Variants in PRDM1 observed in about 807,000 individuals in gnomAD.
The protein encoded by PRDM1 is PR/SET domain 1, also known as PR domain zinc finger protein 1.
PRDM1 carries 13 observed loss-of-function variants against 62.8 expected under a neutral mutation model. The ratio of observed to expected loss-of-function variants is 0.21; its 90% CI spans 0.13 to 0.33. PRDM1 has a LOEUF of 0.33. Among genes scored for constraint, PRDM1 ranks in the 10% least tolerant of loss-of-function variants. The probability of loss-of-function intolerance (pLI) is 1.00; values close to 1 mark genes in which losing one functional copy is unlikely to be tolerated. For missense variants in PRDM1, 895 were observed against 1,058.8 expected, an observed-to-expected ratio of 0.85 and a Z score of 2.15; for synonymous variants, 396 against 417.6, an observed-to-expected ratio of 0.95 and a Z score of 0.63.
chr6:106,013,418 C>T (rs747773584), intron 1 of PRDM1, among the ~76,000 whole-genome samples: 2 of 151,128 alleles, frequency 1.3e-5, no homozygotes, highest in Non-Finnish European at 2.9e-5. Context: ...ACCTCCACCT[C>T]CCGGGTTCAA....
At chr6:106,096,848 A>G (rs1444058775) in intron 3 of PRDM1, among the ~76,000 whole-genome samples, 2 of 152,226 alleles carry the variant, frequency 1.3e-5, no homozygotes, top group South Asian at 2.1e-4. Flanking sequence ...TAAAGAATTT[A>G]GTAAGCGTTT....
At position 106,090,504 on chromosome 6, in the gene PRDM1, A is replaced by G. The variant is rs139302009; in HGVS notation, c.291+2055A>G. 9.2e-5 allele frequency among the ~76,000 whole-genome samples: 14 copies of G among 152,304 alleles called. No homozygotes were observed. The East Asian group carries it at 2.7e-3, about 29-fold the overall frequency. On this transcript the variant is annotated intron_variant, in intron 2 of 6. Transcript: ENST00000369096. ...GTCTTAAGCTTACTCTGGAATTTGT[A>G]CCTGTTTTTCTGTTTCTCTCCTTTG...
intron 2 of PRDM1, among the ~76,000 whole-genome samples, chr6:106,094,095 G>A (rs1473679798): frequency 6.6e-6 from 1 of 152,168 alleles, no homozygotes; most frequent in Non-Finnish European, 1.5e-5. Context: ...AGGAACTGGT[G>A]TATATTGTAA....
At chr6:106,013,713 G>A (rs1772584730) in intron 1 of PRDM1, among the ~76,000 whole-genome samples, 1 of 152,130 alleles carries the variant, frequency 6.6e-6, no homozygotes, top group Non-Finnish European at 1.5e-5. Context: ...AGTTCCTGAG[G>A]TCCCATAAGT....
intron 1 of PRDM1, among the ~76,000 whole-genome samples, chr6:106,055,366 T>G (rs1182987075): frequency 6.6e-6 from 1 of 152,212 alleles, no homozygotes; most frequent in Non-Finnish European, 1.5e-5. Flanking sequence ...CATTATTATA[T>G]ACATGAGAGA....
intron 4 of PRDM1, among the ~76,000 whole-genome samples, chr6:106,103,687 G>C (rs1269519954): frequency 6.6e-6 from 1 of 152,178 alleles, no homozygotes; most frequent in Non-Finnish European, 1.5e-5. Context: ...GCTGTGGCAG[G>C]GATAGTCTAG....
chr6:106,080,419 C>T (rs1420676317), intron 1 of PRDM1, among the ~76,000 whole-genome samples: 1 of 152,136 alleles, frequency 6.6e-6, no homozygotes, highest in East Asian at 1.9e-4. Flanking sequence ...CCCACCGCAG[C>T]CCCCAGCATC....
chr6:106,014,652 ATAT>A (rs937123082), intron 1 of PRDM1, among the ~76,000 whole-genome samples: 6 of 150,294 alleles, frequency 4.0e-5, no homozygotes, highest in African/African-American at 1.5e-4. Flanking sequence ...TTAATCTATA[ATAT>A]TAAATTAAAT....
chr6:106,086,504 G>T lies in PRDM1; in HGVS notation c.-50G>T. The stretch of plus-strand genomic sequence containing the variant: ...CGTCTGTGCGGCTCAGCCTGGCGGG[G>T]GACGCGGGGAGAATGTGGACTGGGT... On this transcript the variant is annotated 5_prime_UTR_variant, in exon 1 of 7. Coordinates refer to ENST00000369096, the MANE Select transcript of PRDM1 (RefSeq NM_001198.4). The T allele has an allele frequency of 1.3e-6, 2 of 1,527,716 alleles. No homozygotes were observed. The highest frequency in any genetic ancestry group is 1.8e-6 in the Non-Finnish European group (2 of 1,127,688). The allele number at this position is 1,527,716 out of a possible 1,614,324, so 94.6% of individuals were successfully genotyped here. A position where few individuals can be genotyped will look rare whatever the true frequency, so the allele number is the denominator to read the frequency against.
Position 106,107,359 on chromosome 6 carries a change from T to G in PRDM1, c.2351T>G (p.Leu784Arg). ...VSLQRNMGNG[L>R]LSSGCSLYES... ...TTGCAAAGAAACATGGGGAATGGACTCCTCTCCTCAGGGTGCAGCCTTTAT... is the reference window on the plus strand; with the variant it reads ...TTGCAAAGAAACATGGGGAATGGACGCCTCTCCTCAGGGTGCAGCCTTTAT... Residue 784 changes from leucine (L) to arginine (R), a missense_variant, in exon 7 of 7, where the codon CTC (leucine) becomes CGC (arginine). By Grantham distance (102) the Leu-to-Arg change is moderately radical. Transcript: ENST00000369096. The G allele has an allele frequency of 6.2e-7, 1 of 1,614,056 alleles. No homozygotes were observed. Among genetic ancestry groups the G allele is most frequent in the Non-Finnish European group, 8.5e-7 (1 of 1,180,004 alleles).
At chr6:106,007,380 A>T (rs544782071) in intron 1 of PRDM1, among the ~76,000 whole-genome samples, 6 of 151,922 alleles carry the variant, frequency 3.9e-5, no homozygotes, top group Non-Finnish European at 7.4e-5. Flanking sequence ...CAGTGAGCCG[A>T]GATGGCGCCA....
chr6:106,074,462 G>A (rs1773569514), intron 1 of PRDM1, among the ~76,000 whole-genome samples: 1 of 151,884 alleles, frequency 6.6e-6, no homozygotes, highest in Non-Finnish European at 1.5e-5. Flanking sequence ...GCTCCCCAAG[G>A]GTTGTTTGTA....
chr6:106,016,874 G>A (rs145319334), intron 1 of PRDM1, among the ~76,000 whole-genome samples: 5 of 152,108 alleles, frequency 3.3e-5, no homozygotes, highest in South Asian at 2.1e-4. Flanking sequence ...CGATGGTCTC[G>A]AACTCTTGAC....
intron 1 of PRDM1, among the ~76,000 whole-genome samples, chr6:106,079,241 A>T (rs999974250): frequency 1.3e-5 from 2 of 152,082 alleles, no homozygotes; most frequent in Non-Finnish European, 2.9e-5. Context: ...CTGGGATTAC[A>T]GGGGTGAGCC....
intron 1 of PRDM1, among the ~76,000 whole-genome samples, chr6:106,075,248 T>C (rs1162514667): frequency 1.3e-5 from 2 of 152,158 alleles, no homozygotes; most frequent in Non-Finnish European, 2.9e-5. Flanking sequence ...GTAAGGACAG[T>C]CTATTATTTT....
chr6:106,071,685 T>G (rs2114601489), intron 1 of PRDM1, among the ~76,000 whole-genome samples: 1 of 152,246 alleles, frequency 6.6e-6, no homozygotes, highest in South Asian at 2.1e-4. Context: ...AGTTCTTTGT[T>G]AATCTCAGAG....
chr6:106,026,803 A>G (rs574430780), intron 1 of PRDM1, among the ~76,000 whole-genome samples: 342 of 152,380 alleles, frequency 2.2e-3, no homozygotes, highest in Admixed American at 8.0e-3. Context: ...ATGCAGATCA[A>G]CATGGTCATG....
At chr6:106,089,313 C>G (rs1773900330) in intron 2 of PRDM1, among the ~76,000 whole-genome samples, 1 of 152,210 alleles carries the variant, frequency 6.6e-6, no homozygotes, top group Admixed American at 6.5e-5. Context: ...ACTTCCCATA[C>G]CACCATTAGC....
chr6:106,085,513 A>G (rs550688524), upstream of PRDM1, among the ~76,000 whole-genome samples: 4 of 152,344 alleles, frequency 2.6e-5, no homozygotes, highest in African/African-American at 9.6e-5. Flanking sequence ...ATTGTATGCC[A>G]TCATCACAGG....
Sources: gnomAD v4.1 joint callset for allele counts (sites outside exome capture counted in the v4.1 genomes callset) on GRCh38, gnomAD v4.1.1 for gene constraint, MANE v1.5 for transcripts, NCBI Gene and HGNC (gene_info 2026-07-23, HGNC 2026-07-21) for gene names.